The following CRCP variants were observed in gnomAD, a reference collection of about 807,000 sequenced individuals.
The protein encoded by CRCP is CGRP receptor component.
CRCP carries 18 observed loss-of-function variants against 18.5 expected under a neutral mutation model. The ratio of observed to expected loss-of-function variants is 0.97; its 90% CI spans 0.67 to 1.44. The LOEUF is 1.44. Ranked by LOEUF, CRCP falls within the 40% of genes most tolerant of loss-of-function variation. The pLI, the probability that CRCP is intolerant of heterozygous loss-of-function variation, is 0.00. For missense variants in CRCP, 130 were observed against 176.4 expected, an observed-to-expected ratio of 0.74 and a Z score of 1.49; for synonymous variants, 53 against 62.9, an observed-to-expected ratio of 0.84 and a Z score of 0.75.
intron 1 of CRCP, chr7:66,126,556 A>G: frequency 2.6e-6 from 1 of 378,688 alleles, no homozygotes; most frequent in South Asian, 2.0e-5. Context: ...AGTAGGAATC[A>G]TACGAATAGC....
At chr7:66,137,558 A>G (rs1052865658) in intron 4 of CRCP, among the ~76,000 whole-genome samples, 3 of 152,250 alleles carry the variant, frequency 2.0e-5, no homozygotes, top group Admixed American at 2.0e-4. Context: ...GTCCTTCACC[A>G]TTAAGTATGA....
At chr7:66,142,419 A>G (rs564910862) in intron 4 of CRCP, among the ~76,000 whole-genome samples, 1 of 152,332 alleles carries the variant, frequency 6.6e-6, no homozygotes, top group African/African-American at 2.4e-5. Flanking sequence ...CTCAGAGTCC[A>G]GTTGTCAGCA....
chr7:66,115,874 C>T (rs1374555996), intron 1 of CRCP, among the ~76,000 whole-genome samples: 1 of 152,158 alleles, frequency 6.6e-6, no homozygotes, highest in Non-Finnish European at 1.5e-5. Context: ...AATCATGGTT[C>T]ACTGCAGCCT....
intron 5 of CRCP, among the ~76,000 whole-genome samples, chr7:66,149,475 C>T (rs1184488700): frequency 2.6e-5 from 4 of 152,056 alleles, no homozygotes; most frequent in African/African-American, 4.8e-5. Flanking sequence ...GTGATGATTG[C>T]GCCCAAAGAA....
chr7:66,127,078 C>A (rs145211869), intron 1 of CRCP, among the ~76,000 whole-genome samples: 9 of 152,232 alleles, frequency 5.9e-5, no homozygotes, highest in Non-Finnish European at 1.2e-4. Flanking sequence ...GAACCCAAAT[C>A]TGATTTCAAA....
intron 1 of CRCP, 32 bp downstream of exon 1, chr7:66,115,002 C>T: frequency 3.1e-6 from 5 of 1,604,090 alleles, no homozygotes; most frequent in Non-Finnish European, 4.3e-6. Flanking sequence ...CCTTTTCGCC[C>T]GAGGAGCCCA....
At chr7:66,140,196 C>T (rs1788092064) in intron 4 of CRCP, among the ~76,000 whole-genome samples, 1 of 152,154 alleles carries the variant, frequency 6.6e-6, no homozygotes, top group Non-Finnish European at 1.5e-5. Context: ...GGAGTTGGAG[C>T]TGCTTGTGGG....
intron 4 of CRCP, among the ~76,000 whole-genome samples, chr7:66,140,104 G>T (rs1038365104): frequency 6.6e-6 from 1 of 152,220 alleles, no homozygotes. Context: ...GTCCCCACCT[G>T]GGGGGCTGCC....
At position 66,126,216 on chromosome 7, in the gene CRCP, C is replaced by G. The variant is rs758114389; in HGVS notation, c.9-1488C>G. ...TGTGCTGATGACCTAAGGCCGAGGT[C>G]TATCTCTTTGTGAACCACTGTTAGT... is the stretch of plus-strand genomic sequence containing the variant. On this transcript the variant is annotated intron_variant, in intron 1 of 5. Coordinates refer to ENST00000395326, the MANE Select transcript of CRCP (RefSeq NM_014478.5). Among the ~76,000 whole-genome samples, 38 of 149,150 alleles carry G rather than the reference C, an allele frequency of 2.5e-4. 5 individuals are homozygous for G. The highest frequency in any genetic ancestry group is 2.5e-4 in the Non-Finnish European group (17 of 66,710).
At chr7:66,150,354 G>GAAACTCTGTCTCAAAAAAAAAA (rs57066308) in intron 5 of CRCP, among the ~76,000 whole-genome samples, 107,109 of 146,026 alleles carry the variant, frequency 0.73, 39,533 homozygotes, top group Admixed American at 0.77. Flanking sequence ...CAACAAGAGT[G>GAAACTCTGTCTCAAAAAAAAAA]AAGGGGGGGA....
chr7:66,132,868 G>A (rs1490087065), intron 3 of CRCP, among the ~76,000 whole-genome samples: 1 of 151,856 alleles, frequency 6.6e-6, no homozygotes, highest in Admixed American at 6.6e-5. Flanking sequence ...CCGAGATTGC[G>A]CCACTGCACT....
In CRCP at chr7:66,134,372, C is replaced by G; in HGVS notation, c.237C>G (p.Thr79=). ...CAGCATTGAAAAGCCACAAGTTGAC[C>G]AAGTAAGTAAATCTCTTAAGTAGGA... ...FLTALKSHKL[T]KAEKLQLLNH... is the part of the protein sequence containing the mutation. Residue 79 remains threonine (T), a splice_region_variant and synonymous_variant, in exon 4 of 6, where the codon ACC becomes ACG. Transcript: ENST00000395326. 1 of 1,595,602 alleles carries G rather than the reference C, an allele frequency of 6.3e-7. No individual in the cohort carries two copies. Among genetic ancestry groups the G allele is most frequent in the Non-Finnish European group, 8.6e-7 (1 of 1,168,566 alleles).
intron 1 of CRCP, 130 bp from the exon 2 acceptor site, chr7:66,127,574 T>G: frequency 1.0e-6 from 1 of 989,934 alleles, no homozygotes; most frequent in Non-Finnish European, 1.6e-6. Context: ...TTTCTCAGTT[T>G]CAATTTTAGG....
chr7:66,140,974 C>T (rs535031855), intron 4 of CRCP, among the ~76,000 whole-genome samples: 35 of 152,298 alleles, frequency 2.3e-4, no homozygotes, highest in Middle Eastern at 3.4e-3. Flanking sequence ...GAGGATTGAT[C>T]TTAGCTCCCT....
chr7:66,119,907 A>G (rs957132935), intron 1 of CRCP, among the ~76,000 whole-genome samples: 1 of 152,082 alleles, frequency 6.6e-6, no homozygotes. Context: ...TTTTTTTTGC[A>G]GCCCGGTGCT....
chr7:66,143,884 A>G (rs1426342766), intron 4 of CRCP, among the ~76,000 whole-genome samples: 1 of 152,202 alleles, frequency 6.6e-6, no homozygotes, highest in Non-Finnish European at 1.5e-5. Context: ...ATCCCTGTTA[A>G]TCCTCTCATA....
intron 3 of CRCP, among the ~76,000 whole-genome samples, chr7:66,131,976 G>T (rs973887072): frequency 4.6e-4 from 9 of 19,386 alleles, no homozygotes; most frequent in Non-Finnish European, 7.1e-4. Context: ...GGTCAGGCGG[G>T]TATCAAACTC....
intron 1 of CRCP, among the ~76,000 whole-genome samples, chr7:66,120,988 AC>A (rs1411680537): frequency 1.3e-5 from 2 of 152,036 alleles, no homozygotes; most frequent in Non-Finnish European, 2.9e-5. Flanking sequence ...AGTTTTTGCT[AC>A]TTTTTAAAAT....
At chr7:66,150,704 T>G (rs1360791281) in intron 5 of CRCP, 3 of 152,164 alleles carry the variant, frequency 2.0e-5, no homozygotes, top group Middle Eastern at 3.1e-3. Context: ...TACTTCAGTC[T>G]GCCAGGATTT....
Sources: gnomAD v4.1 joint callset for allele counts (sites outside exome capture counted in the v4.1 genomes callset) on GRCh38, gnomAD v4.1.1 for gene constraint, MANE v1.5 for transcripts, NCBI Gene and HGNC (gene_info 2026-07-23, HGNC 2026-07-21) for gene names.